GPC5: variants seen among roughly 807,000 people sequenced by gnomAD.
GPC5 encodes glypican 5.
In GPC5, 47 loss-of-function variants were observed where a neutral mutation model predicts 53.9. The observed-to-expected ratio is 0.87, with a 90% CI of 0.69 to 1.11. GPC5 has a LOEUF of 1.11. Ranked by LOEUF, GPC5 falls within the 50% of genes most tolerant of loss-of-function variation. The probability of loss-of-function intolerance (pLI) is 0.00; values close to 1 mark genes in which losing one functional copy is unlikely to be tolerated. For synonymous variants in GPC5, 286 were observed against 263.3 expected (o/e 1.09, Z -0.84); for missense variants, 748 against 713.1 (o/e 1.05, Z -0.56).
chr13:92,415,863 C>A (rs769536190), intron 7 of GPC5, among the ~76,000 whole-genome samples: 1 of 152,002 alleles, frequency 6.6e-6, no homozygotes, highest in Non-Finnish European at 1.5e-5. Flanking sequence ...AGAAAAAATA[C>A]CTCTTAGGTT....
chr13:92,631,332 C>T (rs547582104), intron 7 of GPC5, among the ~76,000 whole-genome samples: 2 of 151,986 alleles, frequency 1.3e-5, no homozygotes, highest in African/African-American at 4.8e-5. Flanking sequence ...CTTTGCATTT[C>T]TAGACAGCCA....
At chr13:91,905,134 G>A (rs1454121395) in intron 5 of GPC5, among the ~76,000 whole-genome samples, 3 of 151,938 alleles carry the variant, frequency 2.0e-5, no homozygotes, top group Non-Finnish European at 4.4e-5. Context: ...TCATAATTAT[G>A]CACTTATCAA....
intron 7 of GPC5, among the ~76,000 whole-genome samples, chr13:92,842,007 A>T (rs988203702): frequency 6.6e-6 from 1 of 152,134 alleles, no homozygotes; most frequent in Non-Finnish European, 1.5e-5. Context: ...AGATTACTTC[A>T]CAAGTGGTCT....
intron 6 of GPC5, among the ~76,000 whole-genome samples, chr13:92,018,009 T>TACACATGCACGAGTACACACAC (rs2040723000): frequency 6.7e-6 from 1 of 150,146 alleles, no homozygotes; most frequent in Admixed American, 6.6e-5. Flanking sequence ...AGTACACACA[T>TACACATGCACGAGTACACACAC]ACACATGCAC....
chr13:92,336,734 A>C (rs1199442411), intron 7 of GPC5, among the ~76,000 whole-genome samples: 1 of 152,200 alleles, frequency 6.6e-6, no homozygotes, highest in African/African-American at 2.4e-5. Flanking sequence ...CCCTTCATTC[A>C]AAGACTGTGT....
At chr13:92,006,928 A>G (rs1056626237) in intron 6 of GPC5, among the ~76,000 whole-genome samples, 19 of 152,176 alleles carry the variant, frequency 1.2e-4, no homozygotes, top group Admixed American at 1.0e-3. Flanking sequence ...ATGTTGTAGC[A>G]TACATAGTTG....
At chr13:92,663,859 T>C (rs1886465696) in intron 7 of GPC5, among the ~76,000 whole-genome samples, 2 of 2,814 alleles carry the variant, frequency 7.1e-4, no homozygotes, top group African/African-American at 2.1e-3. Flanking sequence ...ACACACACTA[T>C]ATATATATAT....
chr13:92,192,886 A>G (rs2042232338), intron 7 of GPC5, among the ~76,000 whole-genome samples: 1 of 152,192 alleles, frequency 6.6e-6, no homozygotes, highest in Non-Finnish European at 1.5e-5. Flanking sequence ...TTTATTAAAA[A>G]CATATTGCTG....
At chr13:91,912,383 C>T (rs1339164291) in intron 6 of GPC5, among the ~76,000 whole-genome samples, 3 of 151,828 alleles carry the variant, frequency 2.0e-5, no homozygotes, top group Admixed American at 1.3e-4. Flanking sequence ...ATAATGAATG[C>T]TCATCAGAAG....
chr13:92,699,474 T>G (rs9561116), intron 7 of GPC5, among the ~76,000 whole-genome samples: 8,545 of 152,170 alleles, frequency 0.056, 644 homozygotes, highest in East Asian at 0.33. Flanking sequence ...TGCTAGCTTT[T>G]GAATTTGTTT....
intron 5 of GPC5, among the ~76,000 whole-genome samples, chr13:91,759,119 G>T (rs892228103): frequency 6.6e-6 from 1 of 152,080 alleles, no homozygotes; most frequent in African/African-American, 2.4e-5. Flanking sequence ...CAAGTAAGTT[G>T]ATTGGACTCT....
intron 6 of GPC5, among the ~76,000 whole-genome samples, chr13:92,040,354 C>T (rs150435151): frequency 1.4e-4 from 22 of 152,208 alleles, no homozygotes; most frequent in African/African-American, 5.1e-4. Context: ...GAGTGTGCGC[C>T]GCAATAGAAT....
chr13:91,680,138 T>G lies in GPC5; in HGVS notation c.326-13049T>G, dbSNP rs543588397. On this transcript the variant is annotated intron_variant, in intron 2 of 7. Coordinates refer to ENST00000377067, the MANE Select transcript of GPC5 (RefSeq NM_004466.6). ...AAACTTACATCCATCACCATGACCT[T>G]GACAGTTTCCAGTACTTAAAAATGT... Among the ~76,000 whole-genome samples the G allele has an allele frequency of 2.6e-5, 4 of 152,230 alleles. No homozygotes were observed. The East Asian group carries it at 7.7e-4, about 29-fold the overall frequency.
At chr13:92,502,088 G>A (rs898023333) in intron 7 of GPC5, among the ~76,000 whole-genome samples, 2 of 152,026 alleles carry the variant, frequency 1.3e-5, no homozygotes, top group Admixed American at 6.6e-5. Context: ...GTAATATATA[G>A]TAATGAGATT....
intron 7 of GPC5, among the ~76,000 whole-genome samples, chr13:92,455,632 A>G (rs1878234928): frequency 6.6e-6 from 1 of 152,202 alleles, no homozygotes; most frequent in African/African-American, 2.4e-5. Context: ...GTTAAATGCT[A>G]TTATGACAGC....
At chr13:92,164,677 G>A (rs2042014522) in intron 7 of GPC5, among the ~76,000 whole-genome samples, 1 of 152,124 alleles carries the variant, frequency 6.6e-6, no homozygotes, top group Non-Finnish European at 1.5e-5. Flanking sequence ...GAGGATGGTG[G>A]CCCTCTTCTC....
chr13:92,718,969 G>A (rs1172315353), intron 7 of GPC5, among the ~76,000 whole-genome samples: 2 of 151,714 alleles, frequency 1.3e-5, no homozygotes, highest in Non-Finnish European at 1.5e-5. Flanking sequence ...ATAAATGCTT[G>A]AGGTGATACC....
At chr13:92,333,850 T>C (rs538290668) in intron 7 of GPC5, among the ~76,000 whole-genome samples, 1 of 152,152 alleles carries the variant, frequency 6.6e-6, no homozygotes, top group African/African-American at 2.4e-5. Flanking sequence ...ACAAATATGA[T>C]TAATAGGCTA....
intron 7 of GPC5, among the ~76,000 whole-genome samples, chr13:92,242,279 C>A (rs1299246721): frequency 6.6e-6 from 1 of 151,660 alleles, no homozygotes; most frequent in Admixed American, 6.6e-5. Context: ...GCCCACCAAG[C>A]CTTCTTTCCT....
Sources: allele counts gnomAD v4.1 joint callset (sites outside exome capture counted in the v4.1 genomes callset), GRCh38; gene constraint gnomAD v4.1.1; transcripts MANE v1.5; gene names NCBI Gene and HGNC (gene_info 2026-07-23, HGNC 2026-07-21).